RCC1: variants seen among roughly 807,000 people sequenced by gnomAD.
The protein encoded by RCC1 is regulator of chromosome condensation.
RCC1 carries 11 observed loss-of-function variants against 44.4 expected under a neutral mutation model. The ratio of observed to expected loss-of-function variants is 0.25; its 90% CI spans 0.16 to 0.41. The LOEUF (loss-of-function observed/expected upper bound fraction) is 0.41, where lower values mean the gene tolerates loss of function less well. Among genes scored for constraint, RCC1 ranks in the 10% least tolerant of loss-of-function variants. The pLI is 1.00. For missense variants in RCC1, 386 were observed against 547.1 expected (o/e 0.71, Z 2.94); for synonymous variants, 213 against 216.5 (o/e 0.98, Z 0.14).
chr1:28,520,636 C>A (rs533134628), intron 4 of RCC1, among the ~76,000 whole-genome samples: 1 of 152,042 alleles, frequency 6.6e-6, no homozygotes, highest in African/African-American at 2.4e-5. Flanking sequence ...ACTCTGTAGC[C>A]GACTTATCTG....
At chr1:28,532,415 G>A in intron 7 of RCC1, 65 bp downstream of exon 7, 2 of 1,556,138 alleles carry the variant, frequency 1.3e-6, no homozygotes, top group East Asian at 2.2e-5. Flanking sequence ...GGGCCCCAAA[G>A]ATAATCCACT....
intron 3 of RCC1, chr1:28,510,151 A>G (rs901433900): frequency 6.6e-6 from 1 of 152,490 alleles, no homozygotes; most frequent in East Asian, 1.9e-4. Context: ...CCGTTAAGCC[A>G]TTTGGAACTT....
At chr1:28,511,698 G>A (rs1662555318) in intron 3 of RCC1, among the ~76,000 whole-genome samples, 1 of 148,882 alleles carries the variant, frequency 6.7e-6, no homozygotes, top group Non-Finnish European at 1.5e-5. Flanking sequence ...ATCTCACTCT[G>A]TCTCCAGGAG....
intron 9 of RCC1, 47 bp downstream of exon 9, chr1:28,535,427 C>G (rs1035139501): frequency 6.2e-6 from 10 of 1,608,742 alleles, no homozygotes; most frequent in Non-Finnish European, 8.5e-6. Context: ...CAGGCCACCC[C>G]CACAGTGAAG....
At position 28,538,078 on chromosome 1, in the gene RCC1, C is replaced by A; in HGVS notation, c.*71C>A. ...CAGAACAGGGAAGCAGTGACAGCTGCAGATGGCAGCGGGCCTCTCCCCAGC... is the reference window on the plus strand; with the variant it reads ...CAGAACAGGGAAGCAGTGACAGCTGAAGATGGCAGCGGGCCTCTCCCCAGC... On this transcript the variant is annotated 3_prime_UTR_variant, in exon 13 of 13. Coordinates refer to ENST00000683442, the MANE Select transcript of RCC1 (RefSeq NM_001381865.2). The A allele has an allele frequency of 6.9e-7, 1 of 1,453,992 alleles. No homozygotes were observed. The highest frequency in any genetic ancestry group is 9.4e-7 in the Non-Finnish European group (1 of 1,067,548). 90.1% of individuals were successfully genotyped at this position (1,453,992 alleles called of 1,614,324 possible). A position where few individuals can be genotyped will look rare whatever the true frequency, so the allele number is the denominator to read the frequency against.
chr1:28,514,004 T>C (rs1036402331), intron 3 of RCC1, among the ~76,000 whole-genome samples: 1 of 148,646 alleles, frequency 6.7e-6, no homozygotes, highest in African/African-American at 2.5e-5. Context: ...CTACTAAAAA[T>C]ACAAAAAAAA....
chr1:28,507,803 C>T (rs554472118), intron 1 of RCC1: 1 of 339,346 alleles, frequency 2.9e-6, no homozygotes, highest in East Asian at 7.7e-5. Flanking sequence ...GACAGGGTTT[C>T]ACCATGTTGG....
At chr1:28,534,781 T>C (rs915486022) in intron 7 of RCC1, among the ~76,000 whole-genome samples, 2 of 152,246 alleles carry the variant, frequency 1.3e-5, no homozygotes, top group African/African-American at 4.8e-5. Context: ...CCCAGAATAG[T>C]ATATTGAGTG....
At chr1:28,516,501 CA>C (rs558641226) in intron 3 of RCC1, among the ~76,000 whole-genome samples, 41,856 of 119,294 alleles carry the variant, frequency 0.35, 6,046 homozygotes, top group African/African-American at 0.41. Context: ...GACCCCATCT[CA>C]AAAAAAAAAA....
chr1:28,527,163 C>T lies in RCC1; in HGVS notation c.-9-2695C>T, dbSNP rs1570199988. On this transcript the variant is annotated intron_variant, in intron 4 of 12. Transcript: ENST00000683442. ...GAGGGCTGCAGTGGCAGAAATGCCC[C>T]CAAGGAATGGCACTCACATGCCGGG... is the stretch of plus-strand genomic sequence containing the variant. The T allele has an allele frequency of 1.2e-5, 15 of 1,262,732 alleles. No homozygotes were observed. The East Asian group carries it at 3.7e-4, about 31-fold the overall frequency. The allele number at this position is 1,262,732 out of a possible 1,614,324, so 78.2% of individuals were successfully genotyped here. A position where few individuals can be genotyped will look rare whatever the true frequency, so the allele number is the denominator to read the frequency against.
At chr1:28,511,186 CTT>C (rs902175145) in intron 3 of RCC1, among the ~76,000 whole-genome samples, 1 of 152,234 alleles carries the variant, frequency 6.6e-6, no homozygotes, top group South Asian at 2.1e-4. Flanking sequence ...GTTCATGAGA[CTT>C]TGGGTGAGTT....
At chr1:28,512,523 A>G (rs1445220237) in intron 3 of RCC1, among the ~76,000 whole-genome samples, 1 of 151,520 alleles carries the variant, frequency 6.6e-6, no homozygotes, top group Non-Finnish European at 1.5e-5. Flanking sequence ...TATCTTTATT[A>G]TTTTCTTTGC....
At position 28,538,291 on chromosome 1, in the gene RCC1, T is replaced by G; in HGVS notation, c.*284T>G. The G allele has an allele frequency of 4.3e-6, 1 of 234,506 alleles. No individual in the cohort carries two copies. The highest frequency in any genetic ancestry group is 8.3e-6 in the Non-Finnish European group (1 of 121,188). The allele number at this position is 234,506 out of a possible 1,614,324, so 14.5% of individuals were successfully genotyped here. ...AGACGTTTCTCCCCTTTTCCCTACC[T>G]TCCATGGTCCTGGTTGGCCCTGGCT... On this transcript the variant is annotated 3_prime_UTR_variant, in exon 13 of 13. Transcript: ENST00000683442.
chr1:28,509,322 A>G (rs1570160770), intron 3 of RCC1: 1 of 170,078 alleles, frequency 5.9e-6, no homozygotes, highest in Non-Finnish European at 1.3e-5. Context: ...GCTCACTGCA[A>G]CTTCCGCCTC....
At position 28,512,517 on chromosome 1, in the gene RCC1, TTTA is replaced by T. The variant is rs1434107580; in HGVS notation, c.-153+3618_-153+3620del. ...TCTTTTTTATTGATTTGTTTTTATC[TTTA>T]TTATTTTCTTTGCTTATTTTGGGGT... On this transcript the variant is annotated intron_variant, in intron 3 of 12. Coordinates refer to ENST00000683442, the MANE Select transcript of RCC1 (RefSeq NM_001381865.2). Among the ~76,000 whole-genome samples the T allele has an allele frequency of 1.3e-5, 2 of 152,182 alleles. 1 individual carries two copies. The highest frequency in any genetic ancestry group is 4.8e-5 in the African/African-American group (2 of 41,446).
intron 1 of RCC1, chr1:28,506,289 A>C (rs925960015): frequency 1.1e-5 from 5 of 443,302 alleles, no homozygotes; most frequent in Non-Finnish European, 2.2e-5. Flanking sequence ...GGTTCAAGCG[A>C]TTCTCGTGCC....
intron 2 of RCC1, chr1:28,508,628 C>T (rs1476112513): frequency 1.9e-6 from 1 of 518,784 alleles, no homozygotes; most frequent in Non-Finnish European, 3.8e-6. Context: ...GCTTAGGGCT[C>T]TGCCCCATGA....
At chr1:28,534,243 C>T (rs138240821) in intron 7 of RCC1, among the ~76,000 whole-genome samples, 13,197 of 151,872 alleles carry the variant, frequency 0.087, 1,177 homozygotes, top group African/African-American at 0.23. Flanking sequence ...TGCAGTGGCG[C>T]GATCTCGGCT....
intron 12 of RCC1, 119 bp from the exon 13 acceptor site, chr1:28,537,713 C>T: frequency 1.0e-6 from 1 of 1,000,326 alleles, no homozygotes; most frequent in East Asian, 2.6e-5. Context: ...GAGTCTGGTA[C>T]CTTGCCAAGC....
Sources: allele counts gnomAD v4.1 joint callset (sites outside exome capture counted in the v4.1 genomes callset), GRCh38; gene constraint gnomAD v4.1.1; transcripts MANE v1.5; gene names NCBI Gene and HGNC (gene_info 2026-07-23, HGNC 2026-07-21).